AP3S2: variants seen among roughly 807,000 people sequenced by gnomAD.
The protein encoded by AP3S2 is AP-3 complex subunit sigma-2.
In AP3S2, 22 loss-of-function variants were observed where a neutral mutation model predicts 23.4. The ratio of observed to expected loss-of-function variants is 0.94; its 90% CI spans 0.67 to 1.34. The LOEUF (loss-of-function observed/expected upper bound fraction) is 1.34. AP3S2 is among the 40% of genes most tolerant of loss of function. The probability of loss-of-function intolerance (pLI) is 0.00; values close to 1 mark genes in which losing one functional copy is unlikely to be tolerated. For synonymous variants in AP3S2, 86 were observed against 87.1 expected (o/e 0.99, Z 0.07); for missense variants, 241 against 236.9 (o/e 1.02, Z -0.11).
chr15:89,884,833 A>G (rs1408005435), intron 3 of AP3S2, among the ~76,000 whole-genome samples: 1 of 151,994 alleles, frequency 6.6e-6, no homozygotes, highest in African/African-American at 2.4e-5. Context: ...TATTTTTAGT[A>G]GAGACAAGGT....
At chr15:89,837,760 G>GACCACCACAGAGTATTC in intron 4 of AP3S2, 38 bp from the exon 5 acceptor site, 1 of 1,612,230 alleles carries the variant, frequency 6.2e-7, no homozygotes, top group Non-Finnish European at 8.5e-7. Flanking sequence ...AGAATACTCT[G>GACCACCACAGAGTATTC]TGGTGGTCAG....
intron 4 of AP3S2, chr15:89,850,577 T>C (rs1190973730): frequency 6.5e-6 from 1 of 153,002 alleles, no homozygotes; most frequent in Non-Finnish European, 1.5e-5. Context: ...GGCATATTCG[T>C]ACTGTATTTA....
intron 4 of AP3S2, among the ~76,000 whole-genome samples, chr15:89,862,938 G>C (rs1226207106): frequency 6.6e-6 from 1 of 152,070 alleles, no homozygotes; most frequent in East Asian, 1.9e-4. Context: ...TCAAGACCTA[G>C]AACATGAAAT....
Position 89,837,713 on chromosome 15 carries a change from T to C in AP3S2, c.355A>G (p.Ile119Val). The change falls in exon 5 of 6, where the codon ATC (isoleucine) becomes GTC (valine). Residue 119 changes from isoleucine (I) to valine (V), a missense_variant. Ile to Val is a conservative substitution (Grantham distance 29). Transcript: ENST00000336418. The stretch of plus-strand genomic sequence containing the variant: ...CCACCCATCACCACCTCCTGGAGGA[T>C]GTAGTGCACCTAAAAGGGAAGCAAA... ...LIFHMDKVHY[I>V]LQEVVMGGMV... 1 of 1,614,064 alleles carries C rather than the reference T, an allele frequency of 6.2e-7. No homozygotes were observed. The highest frequency in any genetic ancestry group is 8.5e-7 in the Non-Finnish European group (1 of 1,179,970).
intron 4 of AP3S2, among the ~76,000 whole-genome samples, chr15:89,870,358 CCCCGTGAGGTTGTCAGGGAGT>C (rs1296858072): frequency 5.9e-5 from 9 of 152,090 alleles, no homozygotes; most frequent in African/African-American, 2.2e-4. Flanking sequence ...ATACTGGAAG[CCCCGTGAGGTTGTCAGGGAGT>C]CCAAAGTTAA....
intron 4 of AP3S2, among the ~76,000 whole-genome samples, chr15:89,867,611 G>C (rs1482406349): frequency 3.0e-4 from 39 of 130,758 alleles, no homozygotes; most frequent in African/African-American, 1.1e-3. Flanking sequence ...AGTGAGGAGC[G>C]TCTCTGCCCG....
chr15:89,865,740 A>G (rs1324305173), intron 4 of AP3S2: 2 of 152,218 alleles, frequency 1.3e-5, no homozygotes, highest in East Asian at 3.8e-4. Flanking sequence ...AAAATGTACA[A>G]TAGCATCCAT....
In AP3S2 at chr15:89,835,346, AT is replaced by A. The variant is rs1895162399; in HGVS notation, c.*168del. Reference sequence around the variant, plus strand: ...AACTGGGTGCACCCGAGCAGTGTCAATAGGAATCCCTTCCCTATTCCATGCC... The same window carrying A: ...AACTGGGTGCACCCGAGCAGTGTCAAAGGAATCCCTTCCCTATTCCATGCC... On this transcript the variant is annotated 3_prime_UTR_variant, in exon 6 of 6. Coordinates refer to ENST00000336418, the MANE Select transcript of AP3S2 (RefSeq NM_005829.5). The A allele has an allele frequency of 5.8e-6, 7 of 1,205,148 alleles. No individual in the cohort carries two copies. In the African/African-American group the frequency reaches 1.1e-4, roughly 18 times the overall value. The allele number at this position is 1,205,148 out of a possible 1,614,324, so 74.7% of individuals were successfully genotyped here.
At position 89,835,167 on chromosome 15, in the gene AP3S2, C is replaced by T. The variant is rs766309003; in HGVS notation, c.*348G>A. The T allele has an allele frequency of 1.2e-5, 4 of 343,230 alleles. No homozygotes were observed. The highest frequency in any genetic ancestry group is 1.6e-5 in the Non-Finnish European group (3 of 190,602). 21.3% of individuals were successfully genotyped at this position (343,230 alleles called of 1,614,324 possible). A position where few individuals can be genotyped will look rare whatever the true frequency, so the allele number is the denominator to read the frequency against. On this transcript the variant is annotated 3_prime_UTR_variant, in exon 6 of 6. Transcript: ENST00000336418. Reference sequence around the variant, plus strand: ...GAGGAGGTTCTGGGAAGCAGGTGGGCCTGCTCAATGCAGTCCCTAACCCTT... The same window carrying T: ...GAGGAGGTTCTGGGAAGCAGGTGGGTCTGCTCAATGCAGTCCCTAACCCTT...
chr15:89,847,249 T>A (rs1449113731), intron 4 of AP3S2, among the ~76,000 whole-genome samples: 1 of 151,536 alleles, frequency 6.6e-6, no homozygotes, highest in Admixed American at 6.6e-5. Context: ...CTGGGCATAG[T>A]GGCACAAGCC....
intron 1 of AP3S2, 22 bp from the exon 2 acceptor site, chr15:89,889,162 G>C (rs774620616): frequency 4.0e-5 from 64 of 1,613,696 alleles, no homozygotes; most frequent in Non-Finnish European, 5.3e-5. Flanking sequence ...AAAGATAAGT[G>C]AATCAGTGGG....
intron 4 of AP3S2, among the ~76,000 whole-genome samples, chr15:89,859,722 T>C (rs1458333142): frequency 6.7e-6 from 1 of 149,830 alleles, no homozygotes; most frequent in Non-Finnish European, 1.5e-5. Flanking sequence ...CTAAACAAAT[T>C]ACAGGGATTT....
At chr15:89,839,439 T>C (rs1474542919) in intron 4 of AP3S2, among the ~76,000 whole-genome samples, 2 of 152,220 alleles carry the variant, frequency 1.3e-5, no homozygotes, top group Non-Finnish European at 2.9e-5. Context: ...TTATACAATA[T>C]GAATTATTCA....
chr15:89,888,938 G>T, intron 2 of AP3S2, 111 bp downstream of exon 2: 1 of 1,284,482 alleles, frequency 7.8e-7, no homozygotes, highest in Non-Finnish European at 1.1e-6. Context: ...GGTGAGACCA[G>T]CTAAAGTTGC....
chr15:89,871,613 C>A, intron 3 of AP3S2, 67 bp from the exon 4 acceptor site: 1 of 1,524,986 alleles, frequency 6.6e-7, no homozygotes, highest in Non-Finnish European at 9.0e-7. Context: ...ATCAATGTCA[C>A]ATCTGAAAGT....
At chr15:89,851,385 C>T (rs1895649546) in intron 4 of AP3S2, among the ~76,000 whole-genome samples, 1 of 152,012 alleles carries the variant, frequency 6.6e-6, no homozygotes, top group Non-Finnish European at 1.5e-5. Flanking sequence ...GTCCCCCAGG[C>T]TGGAGTGCAG....
intron 4 of AP3S2, among the ~76,000 whole-genome samples, chr15:89,848,116 T>C (rs1895541580): frequency 6.6e-6 from 1 of 152,216 alleles, no homozygotes; most frequent in Non-Finnish European, 1.5e-5. Context: ...CCAGGTCCCT[T>C]GCACTGTAGG....
intron 4 of AP3S2, chr15:89,838,149 C>T (rs1458405128): frequency 1.2e-5 from 2 of 163,280 alleles, no homozygotes; most frequent in Non-Finnish European, 2.7e-5. Context: ...TGGTGGCTTT[C>T]ATTATTAATA....
chr15:89,863,251 C>T (rs1049123865), intron 4 of AP3S2, among the ~76,000 whole-genome samples: 1 of 151,992 alleles, frequency 6.6e-6, no homozygotes, highest in African/African-American at 2.4e-5. Context: ...AGAAAGAGAA[C>T]AGAGAAAGTA....
Sources: allele counts gnomAD v4.1 joint callset (sites outside exome capture counted in the v4.1 genomes callset), GRCh38; gene constraint gnomAD v4.1.1; transcripts MANE v1.5; gene names NCBI Gene and HGNC (gene_info 2026-07-23, HGNC 2026-07-21).